The following CRTC3 variants were observed in gnomAD, a reference collection of about 807,000 sequenced individuals.
CRTC3 encodes CREB-regulated transcription coactivator 3.
CRTC3 carries 26 observed loss-of-function variants against 74.5 expected under a neutral mutation model. The observed-to-expected ratio is 0.35, with a 90% CI of 0.26 to 0.48. CRTC3 has a LOEUF of 0.48. Among genes scored for constraint, CRTC3 ranks in the 20% least tolerant of loss-of-function variants. The pLI, the probability that CRTC3 is intolerant of heterozygous loss-of-function variation, is 0.99. For synonymous variants in CRTC3, 377 were observed against 325.8 expected, an observed-to-expected ratio of 1.16 and a Z score of -1.69; for missense variants, 760 against 787.3, an observed-to-expected ratio of 0.97 and a Z score of 0.41.
At chr15:90,584,389 C>A (rs1375346748) in intron 2 of CRTC3, among the ~76,000 whole-genome samples, 2 of 152,148 alleles carry the variant, frequency 1.3e-5, no homozygotes, top group East Asian at 3.9e-4. Flanking sequence ...AGGCATGTAC[C>A]ACCATGCTTG....
At chr15:90,625,252 G>A (rs1342286843) in intron 9 of CRTC3, among the ~76,000 whole-genome samples, 1 of 152,214 alleles carries the variant, frequency 6.6e-6, no homozygotes, top group Non-Finnish European at 1.5e-5. Context: ...TCATGGTGCC[G>A]CCAACATGCG....
chr15:90,634,378 T>C (rs1596147512), intron 11 of CRTC3, among the ~76,000 whole-genome samples: 1 of 152,150 alleles, frequency 6.6e-6, no homozygotes, highest in East Asian at 1.9e-4. Context: ...CCTCCCAAAG[T>C]CTGAGATTAC....
chr15:90,572,869 C>A (rs985941998), intron 2 of CRTC3, among the ~76,000 whole-genome samples: 1 of 152,164 alleles, frequency 6.6e-6, no homozygotes, highest in Non-Finnish European at 1.5e-5. Flanking sequence ...AGCCACCATG[C>A]CCCGCCAATA....
At chr15:90,617,602 T>C (rs1248651617) in intron 7 of CRTC3, among the ~76,000 whole-genome samples, 1 of 152,156 alleles carries the variant, frequency 6.6e-6, no homozygotes, top group African/African-American at 2.4e-5. Context: ...CCGTCATGAC[T>C]CAGTGCAGCC....
intron 2 of CRTC3, among the ~76,000 whole-genome samples, chr15:90,555,475 C>G (rs1191554519): frequency 6.6e-6 from 1 of 152,080 alleles, no homozygotes; most frequent in Non-Finnish European, 1.5e-5. Flanking sequence ...ATAACTATAG[C>G]ACAAAGACGT....
At chr15:90,621,968 C>A (rs1056347648) in intron 9 of CRTC3, among the ~76,000 whole-genome samples, 2 of 152,148 alleles carry the variant, frequency 1.3e-5, no homozygotes, top group African/African-American at 4.8e-5. Context: ...AAGCAAAGCA[C>A]AGCAAAAGTC....
chr15:90,632,655 G>A (rs1207836962), intron 11 of CRTC3, among the ~76,000 whole-genome samples: 2 of 151,956 alleles, frequency 1.3e-5, no homozygotes, highest in Non-Finnish European at 2.9e-5. Context: ...CCCAGGCTGG[G>A]GTGTAGTGGT....
intron 11 of CRTC3, among the ~76,000 whole-genome samples, chr15:90,632,627 CAG>C (rs1567194775): frequency 1.3e-5 from 2 of 152,232 alleles, no homozygotes; most frequent in East Asian, 3.9e-4. Flanking sequence ...TATTTTGAGA[CAG>C]AGTCTTGCTC....
chr15:90,552,066 T>C (rs1055571261), intron 2 of CRTC3, among the ~76,000 whole-genome samples: 2 of 152,206 alleles, frequency 1.3e-5, no homozygotes, highest in African/African-American at 4.8e-5. Context: ...CTACTTTTCT[T>C]TTTCACTCTT....
Position 90,597,017 on chromosome 15 carries a change from G to A in CRTC3, c.351+3262G>A, listed in dbSNP as rs192895642. On this transcript the variant is annotated intron_variant, in intron 3 of 14. Coordinates refer to ENST00000268184, the MANE Select transcript of CRTC3 (RefSeq NM_022769.5). Reference sequence around the variant, plus strand: ...CTCTCAGAGTGGGCAGCCACAGCACGCAGAGCTCTGCCACAGGAGATTCCT... The same window carrying A: ...CTCTCAGAGTGGGCAGCCACAGCACACAGAGCTCTGCCACAGGAGATTCCT... Among the ~76,000 whole-genome samples, 13 of 152,338 alleles carry A rather than the reference G, an allele frequency of 8.5e-5. No homozygotes were observed. The East Asian group carries it at 2.3e-3, about 27-fold the overall frequency.
At chr15:90,546,631 T>G (rs1039710280) in intron 2 of CRTC3, among the ~76,000 whole-genome samples, 7 of 152,044 alleles carry the variant, frequency 4.6e-5, no homozygotes, top group Middle Eastern at 3.4e-3. Context: ...GATTTTATTT[T>G]TATTTTTTTG....
chr15:90,541,054 G>A (rs914875726), intron 2 of CRTC3, among the ~76,000 whole-genome samples: 3 of 152,196 alleles, frequency 2.0e-5, no homozygotes, highest in African/African-American at 7.2e-5. Flanking sequence ...GTCCTCGGGT[G>A]CTTTCATCGT....
chr15:90,547,866 G>T (rs1458073283), intron 2 of CRTC3, among the ~76,000 whole-genome samples: 3 of 150,146 alleles, frequency 2.0e-5, no homozygotes, highest in Non-Finnish European at 4.4e-5. Context: ...GGCTTTGTAG[G>T]TATAGTTGTA....
At chr15:90,607,144 G>A (rs1458401500) in intron 5 of CRTC3, among the ~76,000 whole-genome samples, 1 of 152,236 alleles carries the variant, frequency 6.6e-6, no homozygotes, top group Non-Finnish European at 1.5e-5. Flanking sequence ...CATGCCATCA[G>A]CTTCAGCATA....
chr15:90,636,820 C>A (rs1799420087), intron 11 of CRTC3, among the ~76,000 whole-genome samples: 1 of 152,190 alleles, frequency 6.6e-6, no homozygotes, highest in African/African-American at 2.4e-5. Context: ...TCATCACTGG[C>A]CATCAGAGAA....
intron 5 of CRTC3, among the ~76,000 whole-genome samples, chr15:90,604,940 C>G (rs967469754): frequency 6.6e-6 from 1 of 152,022 alleles, no homozygotes; most frequent in Non-Finnish European, 1.5e-5. Flanking sequence ...GTTTAAGGGC[C>G]TTAGCTAATA....
intron 2 of CRTC3, among the ~76,000 whole-genome samples, chr15:90,592,156 G>C (rs1967815143): frequency 6.6e-6 from 1 of 152,168 alleles, no homozygotes; most frequent in Admixed American, 6.5e-5. Context: ...TTTAGCTGAA[G>C]GAAGTCCCCT....
At chr15:90,556,983 T>C (rs1448764083) in intron 2 of CRTC3, among the ~76,000 whole-genome samples, 1 of 145,298 alleles carries the variant, frequency 6.9e-6, no homozygotes, top group African/African-American at 2.5e-5. Flanking sequence ...TATATATATA[T>C]ATATATATAT....
chr15:90,591,726 A>G lies in CRTC3; in HGVS notation c.232-1910A>G, dbSNP rs535227118. Among the ~76,000 whole-genome samples the G allele has an allele frequency of 2.0e-5, 3 of 152,324 alleles. No individual in the cohort carries two copies. In the South Asian group the frequency reaches 6.2e-4, roughly 32 times the overall value. ...GCTACTCAGGAGGCTGAGCCTGGGAAGTGGAGGTTGCATTGAGCCAAGATT... is the reference window on the plus strand; with the variant it reads ...GCTACTCAGGAGGCTGAGCCTGGGAGGTGGAGGTTGCATTGAGCCAAGATT... On this transcript the variant is annotated intron_variant, in intron 2 of 14. Transcript: ENST00000268184.
Sources: allele counts gnomAD v4.1 joint callset (sites outside exome capture counted in the v4.1 genomes callset), GRCh38; gene constraint gnomAD v4.1.1; transcripts MANE v1.5; gene names NCBI Gene and HGNC (gene_info 2026-07-23, HGNC 2026-07-21).